The following MARK2 variants were observed in gnomAD, a reference collection of about 807,000 sequenced individuals.
MARK2 encodes microtubule affinity regulating kinase 2, also known as serine/threonine-protein kinase MARK2.
In MARK2, 16 loss-of-function variants were observed where a neutral mutation model predicts 89.8. The ratio of observed to expected loss-of-function variants is 0.18; its 90% CI spans 0.12 to 0.27. The LOEUF (loss-of-function observed/expected upper bound fraction) is 0.27. MARK2 is among the 10% of genes least tolerant of loss of function. The probability of loss-of-function intolerance (pLI) is 1.00; values close to 1 mark genes in which losing one functional copy is unlikely to be tolerated. For missense variants in MARK2, 621 were observed against 1,049.9 expected, an observed-to-expected ratio of 0.59 and a Z score of 5.65; for synonymous variants, 382 against 399.5, an observed-to-expected ratio of 0.96 and a Z score of 0.52.
rs774605712 is a variant in MARK2, at chr11:63,895,685, T to G, written c.288+52T>G. The G allele has an allele frequency of 5.3e-6, 5 of 944,890 alleles. No homozygotes were observed. The East Asian group carries it at 1.7e-4, about 32-fold the overall frequency. 58.5% of individuals were successfully genotyped at this position (944,890 alleles called of 1,614,324 possible). ...TTTTTTTTTTTTTTTTTTTTTTTTTTTGAGTCAGAGCCTCACTCTTGTCGC... is the reference window on the plus strand; with the variant it reads ...TTTTTTTTTTTTTTTTTTTTTTTTTGTGAGTCAGAGCCTCACTCTTGTCGC... On this transcript the variant is annotated intron_variant, in intron 3 of 18. Transcript: ENST00000402010.
At chr11:63,856,322 T>TTG (rs1565100279) in intron 1 of MARK2, among the ~76,000 whole-genome samples, 2 of 30,264 alleles carry the variant, frequency 6.6e-5, no homozygotes, top group East Asian at 2.7e-3. Context: ...TTTTTTTTTG[T>TTG]TTTTTTTTTT....
chr11:63,871,587 CTG>C (rs1008980630), intron 1 of MARK2, among the ~76,000 whole-genome samples: 4 of 148,058 alleles, frequency 2.7e-5, no homozygotes, highest in Admixed American at 6.7e-5. Flanking sequence ...AGAGTATTCA[CTG>C]TGTGCACGTG....
chr11:63,894,976 CTGGAG>C (rs1420598343), intron 1 of MARK2, among the ~76,000 whole-genome samples, 178 bp from the exon 2 acceptor site: 1 of 152,182 alleles, frequency 6.6e-6, no homozygotes, highest in Non-Finnish European at 1.5e-5. Context: ...ATGTGCTTCT[CTGGAG>C]TGAAGACTGG....
chr11:63,896,585 A>G (rs981841784), intron 3 of MARK2, among the ~76,000 whole-genome samples: 1 of 152,238 alleles, frequency 6.6e-6, no homozygotes, highest in Non-Finnish European at 1.5e-5. Flanking sequence ...GTAAGGGCTG[A>G]GGATTGTTGT....
chr11:63,905,294 C>T (rs1361747054), intron 16 of MARK2, among the ~76,000 whole-genome samples: 3 of 152,230 alleles, frequency 2.0e-5, no homozygotes, highest in African/African-American at 4.8e-5. Context: ...AGCAGATGGC[C>T]GATGCCGCCT....
chr11:63,839,686 C>G, intron 1 of MARK2, 126 bp downstream of exon 1: 1 of 666,826 alleles, frequency 1.5e-6, no homozygotes, highest in Non-Finnish European at 2.6e-6. Context: ...CCCTGTCATC[C>G]GGCTCCTGGC....
At chr11:63,878,804 G>A (rs1460954055) in intron 1 of MARK2, among the ~76,000 whole-genome samples, 1 of 152,050 alleles carries the variant, frequency 6.6e-6, no homozygotes, top group Non-Finnish European at 1.5e-5. Context: ...TCCTGTTCTG[G>A]GCTATGGTTT....
At chr11:63,892,115 T>TG (rs1006059858) in intron 1 of MARK2, among the ~76,000 whole-genome samples, 1 of 152,122 alleles carries the variant, frequency 6.6e-6, no homozygotes, top group Non-Finnish European at 1.5e-5. Context: ...CAATAAGAGC[T>TG]GGGGGGCTTC....
At chr11:63,881,295 A>G (rs1421348591) in intron 1 of MARK2, among the ~76,000 whole-genome samples, 3 of 152,004 alleles carry the variant, frequency 2.0e-5, no homozygotes, top group Admixed American at 2.0e-4. Flanking sequence ...GCCAGAGAGA[A>G]ACTCTGTCTC....
intron 1 of MARK2, among the ~76,000 whole-genome samples, chr11:63,848,857 G>A (rs868651009): frequency 5.3e-5 from 8 of 151,714 alleles, no homozygotes; most frequent in African/African-American, 1.7e-4. Context: ...CACCGTGCCC[G>A]GCTGTAACAC....
intron 16 of MARK2, 61 bp downstream of exon 16, chr11:63,905,104 GT>G: frequency 1.3e-6 from 2 of 1,520,438 alleles, no homozygotes; most frequent in South Asian, 1.2e-5. Flanking sequence ...TTTACTCGGG[GT>G]GGGTTGGGGG....
intron 1 of MARK2, among the ~76,000 whole-genome samples, chr11:63,875,207 G>A (rs1938677250): frequency 6.8e-6 from 1 of 146,504 alleles, no homozygotes; most frequent in African/African-American, 2.6e-5. Flanking sequence ...TACAGCCTCA[G>A]CCTCCCAGGT....
intron 1 of MARK2, among the ~76,000 whole-genome samples, chr11:63,863,449 A>AC (rs1425804477): frequency 1.0e-4 from 5 of 49,270 alleles, no homozygotes; most frequent in East Asian, 1.0e-3. Flanking sequence ...GCCCTCCCCC[A>AC]CCCCCCCACC....
At chr11:63,861,925 T>C (rs963639301) in intron 1 of MARK2, among the ~76,000 whole-genome samples, 8 of 102,684 alleles carry the variant, frequency 7.8e-5, no homozygotes, top group Non-Finnish European at 1.3e-4. Context: ...TCTTTCTTTC[T>C]TTTTTTTTTT....
intron 1 of MARK2, among the ~76,000 whole-genome samples, chr11:63,876,127 G>A (rs1277981906): frequency 6.6e-6 from 1 of 152,188 alleles, no homozygotes; most frequent in Non-Finnish European, 1.5e-5. Context: ...TGAGCTGCTG[G>A]AGACTTTTCT....
chr11:63,899,472 C>T (rs12099085), intron 7 of MARK2, among the ~76,000 whole-genome samples: 9,944 of 152,184 alleles, frequency 0.065, 1,061 homozygotes, highest in African/African-American at 0.22. Context: ...GCTGAAAGTT[C>T]CACAGCTGTA....
intron 17 of MARK2, among the ~76,000 whole-genome samples, chr11:63,908,035 A>T (rs1407138946): frequency 6.6e-6 from 1 of 152,164 alleles, no homozygotes; most frequent in African/African-American, 2.4e-5. Context: ...GTGGGGAGGG[A>T]CAAGCCCCAT....
rs537826005 is a variant in MARK2 at position 63,904,690 on chromosome 11, C to T, written c.1677-96C>T. Reference sequence around the variant, plus strand: ...GTGATGGCTGCCTCTGCCCTAGCATCCCCCTCCCTGTCCCCACCACAGGGT... The same window carrying T: ...GTGATGGCTGCCTCTGCCCTAGCATTCCCCTCCCTGTCCCCACCACAGGGT... On this transcript the variant is annotated intron_variant, in intron 15 of 18. Coordinates refer to ENST00000402010, the MANE Select transcript of MARK2 (RefSeq NM_001039469.3). This position sits in a 1 kb window ranked among gnomAD's most constrained non-coding sequence, Gnocchi z 6.3. The T allele has an allele frequency of 1.6e-4, 161 of 1,015,588 alleles. No individual in the cohort carries two copies. The highest frequency in any genetic ancestry group is 2.3e-4 in the Non-Finnish European group (152 of 653,646). 62.9% of individuals were successfully genotyped at this position (1,015,588 alleles called of 1,614,324 possible).
rs1940291416 is a variant in MARK2 at position 63,895,409 on chromosome 11, C to G, written c.234+71C>G. 89 of 1,523,562 alleles carry G rather than the reference C, an allele frequency of 5.8e-5. No individual in the cohort carries two copies. In the South Asian group the frequency reaches 9.4e-4, roughly 16 times the overall value. 94.4% of individuals were successfully genotyped at this position (1,523,562 alleles called of 1,614,324 possible). A position where few individuals can be genotyped will look rare whatever the true frequency, so the allele number is the denominator to read the frequency against. ...GACACTCCAGCAGGTGGTGATGGGA[C>G]TACTACTGCAGCCAACCTCTTGTTT... On this transcript the variant is annotated intron_variant, in intron 2 of 18. Transcript: ENST00000402010.
Sources: gnomAD v4.1 joint callset for allele counts (sites outside exome capture counted in the v4.1 genomes callset) on GRCh38, gnomAD v4.1.1 for gene constraint, Gnocchi (gnomAD v3.1) non-coding constraint, MANE v1.5 for transcripts, NCBI Gene and HGNC (gene_info 2026-07-23, HGNC 2026-07-21) for gene names.